KHDRBS2: variants seen among roughly 807,000 people sequenced by gnomAD.
KHDRBS2 encodes the protein KH domain-containing, RNA-binding, signal transduction-associated protein 2.
In KHDRBS2, 26 loss-of-function variants were observed where a neutral mutation model predicts 44.3. That is an observed-to-expected ratio of 0.59 (90% CI 0.43 to 0.81). The LOEUF is 0.81. Among genes scored for constraint, KHDRBS2 ranks in the 40% least tolerant of loss-of-function variants. The pLI is 0.00. For missense variants in KHDRBS2, 476 were observed against 433.1 expected (o/e 1.10, Z -0.88); for synonymous variants, 194 against 151.1 (o/e 1.28, Z -2.08).
chr6:62,002,539 C>A (rs1416694396), intron 3 of KHDRBS2, among the ~76,000 whole-genome samples: 3 of 151,220 alleles, frequency 2.0e-5, no homozygotes, highest in South Asian at 2.1e-4. Flanking sequence ...CTCTAAATAA[C>A]AGCATTTAAC....
chr6:61,945,873 T>C (rs1813261657), intron 4 of KHDRBS2, among the ~76,000 whole-genome samples: 1 of 132,478 alleles, frequency 7.5e-6, no homozygotes, highest in African/African-American at 2.6e-5. Context: ...GATTTCCCAC[T>C]TAGAAAAAAA....
chr6:61,845,296 G>A (rs752604162), intron 6 of KHDRBS2, among the ~76,000 whole-genome samples: 22 of 150,248 alleles, frequency 1.5e-4, no homozygotes, highest in Non-Finnish European at 2.4e-4. Context: ...CAAAATGAGG[G>A]ATACAGTTCC....
the KHDRBS2 span, chr6:61,652,306 G>T: frequency 6.6e-6 from 1 of 152,030 alleles, no homozygotes; most frequent in Admixed American, 6.6e-5. Context: ...GGTGAGTTGA[G>T]ATGAAGAAAA....
chr6:62,061,505 A>G (rs1307999579), intron 2 of KHDRBS2, among the ~76,000 whole-genome samples: 10 of 147,244 alleles, frequency 6.8e-5, no homozygotes, highest in Admixed American at 3.4e-4. Context: ...ATTGGCCCCC[A>G]CTCTCTTCTG....
chr6:62,230,311 T>C (rs1832696101), intron 1 of KHDRBS2, among the ~76,000 whole-genome samples: 1 of 152,196 alleles, frequency 6.6e-6, no homozygotes, highest in African/African-American at 2.4e-5. Flanking sequence ...AGCTAAAAAA[T>C]GAAACTTCTG....
In KHDRBS2 at chr6:62,229,625, G is replaced by A. The variant is rs369495849; in HGVS notation, c.92-52313C>T. On this transcript the variant is annotated intron_variant, in intron 1 of 8. Coordinates refer to ENST00000281156, the MANE Select transcript of KHDRBS2 (RefSeq NM_152688.4). ...CTCCATGGTTGGGAGCCTGGGCCCC[G>A]GTGGCGTGGGCTCACAAGTGGGATC... 2.0e-4 allele frequency among the ~76,000 whole-genome samples: 30 copies of A among 152,272 alleles called. No homozygotes were observed. In the East Asian group the frequency reaches 3.5e-3, roughly 18 times the overall value.
chr6:61,549,026 G>A, the KHDRBS2 span, among the ~76,000 whole-genome samples: 1 of 152,110 alleles, frequency 6.6e-6, no homozygotes, highest in Non-Finnish European at 1.5e-5. Flanking sequence ...ATGGCATGTA[G>A]CTTCTGGTCT....
the KHDRBS2 span, among the ~76,000 whole-genome samples, chr6:61,639,103 T>G: frequency 6.6e-6 from 1 of 152,204 alleles, no homozygotes; most frequent in South Asian, 2.1e-4. Flanking sequence ...ACATAAACAG[T>G]TTTTTAAGTT....
At chr6:62,129,907 GT>G (rs1407044192) in intron 2 of KHDRBS2, among the ~76,000 whole-genome samples, 1 of 152,046 alleles carries the variant, frequency 6.6e-6, no homozygotes, top group African/African-American at 2.4e-5. Flanking sequence ...TGTTCTAGAT[GT>G]TTAATATGAT....
At chr6:62,126,541 G>C (rs1441409626) in intron 2 of KHDRBS2, among the ~76,000 whole-genome samples, 1 of 152,134 alleles carries the variant, frequency 6.6e-6, no homozygotes, top group Non-Finnish European at 1.5e-5. Context: ...CCAGTGCTAG[G>C]CTGGCTTCAG....
At chr6:61,956,280 T>C (rs1213589243) in intron 4 of KHDRBS2, among the ~76,000 whole-genome samples, 3 of 152,176 alleles carry the variant, frequency 2.0e-5, no homozygotes, top group Admixed American at 6.5e-5. Flanking sequence ...GCATATGTAA[T>C]TCTGATTCTT....
chr6:61,696,945 C>T (rs1767973992), intron 8 of KHDRBS2, among the ~76,000 whole-genome samples: 1 of 152,104 alleles, frequency 6.6e-6, no homozygotes, highest in African/African-American at 2.4e-5. Context: ...AGACGCTATT[C>T]AGAATGATCA....
At chr6:62,184,293 T>C (rs1230181098) in intron 1 of KHDRBS2, among the ~76,000 whole-genome samples, 1 of 151,584 alleles carries the variant, frequency 6.6e-6, no homozygotes, top group Non-Finnish European at 1.5e-5. Context: ...GGAAACGACT[T>C]TGCACAAATT....
intron 3 of KHDRBS2, among the ~76,000 whole-genome samples, chr6:61,999,180 C>T (rs1177201364): frequency 6.6e-6 from 1 of 152,054 alleles, no homozygotes; most frequent in Non-Finnish European, 1.5e-5. Flanking sequence ...GACTCATTTA[C>T]ATTAGGGTAA....
At chr6:61,854,103 C>T (rs1415545166) in intron 6 of KHDRBS2, among the ~76,000 whole-genome samples, 1 of 150,886 alleles carries the variant, frequency 6.6e-6, no homozygotes, top group Non-Finnish European at 1.5e-5. Flanking sequence ...GAAAACTCAC[C>T]ATTTCTGGAA....
intron 6 of KHDRBS2, among the ~76,000 whole-genome samples, chr6:61,854,429 A>G (rs373687222): frequency 1.3e-4 from 20 of 152,234 alleles, no homozygotes; most frequent in East Asian, 5.8e-4. Context: ...ACTTTTTCTG[A>G]TAATATTCTA....
intron 6 of KHDRBS2, among the ~76,000 whole-genome samples, chr6:61,893,053 C>T (rs1222511372): frequency 1.3e-5 from 2 of 151,986 alleles, no homozygotes; most frequent in African/African-American, 4.8e-5. Context: ...AACAAATTTA[C>T]AAGAAAAAAA....
the KHDRBS2 span, among the ~76,000 whole-genome samples, chr6:61,549,086 T>A: frequency 6.6e-6 from 1 of 152,106 alleles, no homozygotes; most frequent in Admixed American, 6.6e-5. Flanking sequence ...TGAAATACGG[T>A]GAATAATGCA....
intron 3 of KHDRBS2, among the ~76,000 whole-genome samples, chr6:61,996,654 T>A (rs1777217816): frequency 6.6e-6 from 1 of 152,188 alleles, no homozygotes; most frequent in South Asian, 2.1e-4. Flanking sequence ...TTCTCTAAAT[T>A]GAATTAAGCC....
Sources: gnomAD v4.1 joint callset for allele counts (sites outside exome capture counted in the v4.1 genomes callset) on GRCh38, gnomAD v4.1.1 for gene constraint, MANE v1.5 for transcripts, NCBI Gene and HGNC (gene_info 2026-07-23, HGNC 2026-07-21) for gene names.